The following CLVS1 variants were observed in gnomAD, a reference collection of about 807,000 sequenced individuals.
CLVS1 encodes the protein clavesin 1.
In CLVS1, 10 loss-of-function variants were observed where a neutral mutation model predicts 33.1. The observed-to-expected ratio is 0.30, with a 90% CI of 0.19 to 0.51. The LOEUF is 0.51. Ranked by LOEUF, CLVS1 falls within the 20% of genes least tolerant of loss-of-function variation. The pLI is 0.97. For missense variants in CLVS1, 343 were observed against 433.4 expected (o/e 0.79, Z 1.85); for synonymous variants, 163 against 166.1 (o/e 0.98, Z 0.14).
At chr8:61,447,410 A>G (rs1452565546) in intron 3 of CLVS1, among the ~76,000 whole-genome samples, 1 of 151,808 alleles carries the variant, frequency 6.6e-6, no homozygotes, top group Non-Finnish European at 1.5e-5. Context: ...TAAGTATGCC[A>G]TTCTAATTTT....
At chr8:61,040,266 G>T in the CLVS1 span, among the ~76,000 whole-genome samples, 1 of 152,170 alleles carries the variant, frequency 6.6e-6, no homozygotes, top group Non-Finnish European at 1.5e-5. Context: ...TGGATTGATT[G>T]CATATCTTTG....
intron 2 of CLVS1, among the ~76,000 whole-genome samples, chr8:61,265,095 C>A (rs4100940): frequency 6.6e-6 from 1 of 152,010 alleles, no homozygotes; most frequent in Non-Finnish European, 1.5e-5. Flanking sequence ...CTCCTCATGA[C>A]CTCCAAACAT....
At chr8:61,285,244 A>G (rs374456744), upstream of CLVS1, among the ~76,000 whole-genome samples, 3 of 152,216 alleles carry the variant, frequency 2.0e-5, no homozygotes, top group South Asian at 4.1e-4. Flanking sequence ...ACTTATTTGC[A>G]ACTGCCTTAC....
chr8:61,417,346 A>G (rs985670310), intron 3 of CLVS1, among the ~76,000 whole-genome samples: 7 of 152,228 alleles, frequency 4.6e-5, no homozygotes, highest in African/African-American at 1.4e-4. Flanking sequence ...AATCTATGCT[A>G]TATTTTTTTC....
Position 61,454,257 on chromosome 8 carries a change from G to A in CLVS1, c.741+6G>A. On this transcript the variant is annotated splice_donor_region_variant and intron_variant, in intron 4 of 5. Transcript: ENST00000325897. ...AAGACAAGACCAGGAAACGGGTAAT[G>A]AAAACAAATGCATCATGTAAATTCC... is the stretch of plus-strand genomic sequence containing the variant. 6.3e-7 allele frequency: 1 copy of A among 1,582,852 alleles called. No homozygotes were observed. The highest frequency in any genetic ancestry group is 1.1e-5 in the South Asian group (1 of 90,418).
At chr8:61,006,697 T>C in the CLVS1 span, among the ~76,000 whole-genome samples, 1 of 152,208 alleles carries the variant, frequency 6.6e-6, no homozygotes, top group Non-Finnish European at 1.5e-5. Flanking sequence ...TGTCGGTGTC[T>C]ATATAAAACA....
At chr8:61,037,143 A>G in the CLVS1 span, among the ~76,000 whole-genome samples, 3 of 152,228 alleles carry the variant, frequency 2.0e-5, no homozygotes, top group African/African-American at 7.2e-5. Flanking sequence ...ATTTTATTGT[A>G]AAAATTGTGT....
At chr8:61,015,526 C>T in the CLVS1 span, among the ~76,000 whole-genome samples, 77 of 152,314 alleles carry the variant, frequency 5.1e-4, no homozygotes, top group Non-Finnish European at 5.7e-4. Context: ...AGAAGCTGAT[C>T]CAAACTACCT....
chr8:61,308,582 T>C (rs1008469679), intron 2 of CLVS1, among the ~76,000 whole-genome samples: 1 of 152,114 alleles, frequency 6.6e-6, no homozygotes, highest in African/African-American at 2.4e-5. Context: ...CACCATGAAA[T>C]GCTTAGCATC....
At chr8:61,008,336 A>G in the CLVS1 span, among the ~76,000 whole-genome samples, 2 of 152,232 alleles carry the variant, frequency 1.3e-5, no homozygotes, top group African/African-American at 2.4e-5. Flanking sequence ...GATAAAATGG[A>G]TCAAAACACA....
At chr8:61,420,527 G>T in intron 3 of CLVS1, among the ~76,000 whole-genome samples, 1 of 151,360 alleles carries the variant, frequency 6.6e-6, no homozygotes, top group South Asian at 2.1e-4. Flanking sequence ...GCTTGAACCC[G>T]GGAGGCGGAG....
chr8:61,090,863 A>G, intron 1 of CLVS1: 1 of 518,838 alleles, frequency 1.9e-6, no homozygotes, highest in Non-Finnish European at 3.8e-6. Flanking sequence ...TGAGCTGATG[A>G]GAAGACTGAG....
intron 2 of CLVS1, among the ~76,000 whole-genome samples, chr8:61,368,352 C>T (rs913072298): frequency 6.6e-6 from 1 of 152,202 alleles, no homozygotes; most frequent in Non-Finnish European, 1.5e-5. Flanking sequence ...GATGGATAGG[C>T]CTGCCAGGAG....
chr8:61,192,165 G>C (rs1807498236), intron 2 of CLVS1, among the ~76,000 whole-genome samples: 1 of 152,140 alleles, frequency 6.6e-6, no homozygotes, highest in South Asian at 2.1e-4. Flanking sequence ...CATGGTACTG[G>C]TACCAAAATA....
chr8:61,242,643 A>C (rs1808719562), intron 2 of CLVS1, among the ~76,000 whole-genome samples: 1 of 152,018 alleles, frequency 6.6e-6, no homozygotes, highest in Non-Finnish European at 1.5e-5. Flanking sequence ...TAAAAAATTA[A>C]CCAGACATGG....
the CLVS1 span, among the ~76,000 whole-genome samples, chr8:60,980,869 A>G: frequency 1.3e-5 from 2 of 152,206 alleles, no homozygotes; most frequent in African/African-American, 4.8e-5. Context: ...ATGGACCTTA[A>G]ATGCCCATCA....
chr8:61,120,938 A>C (rs887620811), intron 1 of CLVS1, among the ~76,000 whole-genome samples: 8 of 148,890 alleles, frequency 5.4e-5, no homozygotes, highest in African/African-American at 2.0e-4. Flanking sequence ...TTACCTAAGC[A>C]AGCCTGGGCA....
intron 3 of CLVS1, among the ~76,000 whole-genome samples, chr8:61,432,766 A>C (rs1274654678): frequency 6.6e-6 from 1 of 152,190 alleles, no homozygotes; most frequent in Non-Finnish European, 1.5e-5. Flanking sequence ...ATAAACCGAA[A>C]AGTGACCGAG....
chr8:61,476,724 A>G (rs1817949669), intron 5 of CLVS1, among the ~76,000 whole-genome samples: 3 of 152,198 alleles, frequency 2.0e-5, no homozygotes, highest in Admixed American at 6.5e-5. Flanking sequence ...TTCTAGATAT[A>G]CAATCATGTC....
Sources: gnomAD v4.1 joint callset for allele counts (sites outside exome capture counted in the v4.1 genomes callset) on GRCh38, gnomAD v4.1.1 for gene constraint, MANE v1.5 for transcripts, NCBI Gene and HGNC (gene_info 2026-07-23, HGNC 2026-07-21) for gene names.